SMPD3: variants seen among roughly 807,000 people sequenced by gnomAD.
SMPD3 encodes nSMase-2.
SMPD3 carries 21 observed loss-of-function variants against 55.7 expected under a neutral mutation model. The observed-to-expected ratio is 0.38, with a 90% CI of 0.27 to 0.54. The LOEUF is 0.54. Among genes scored for constraint, SMPD3 ranks in the 20% least tolerant of loss-of-function variants. SMPD3 has a pLI of 0.80. For missense variants in SMPD3, 842 were observed against 899.6 expected (o/e 0.94, Z 0.82); for synonymous variants, 457 against 404.3 (o/e 1.13, Z -1.56).
chr16:68,403,123 T>C (rs1026928050), intron 1 of SMPD3, among the ~76,000 whole-genome samples: 2 of 152,252 alleles, frequency 1.3e-5, no homozygotes, highest in African/African-American at 2.4e-5. Flanking sequence ...TTCAGGTCCC[T>C]GTTTCAAATA....
At chr16:68,384,172 C>T (rs935117863) in intron 2 of SMPD3, among the ~76,000 whole-genome samples, 23 of 152,226 alleles carry the variant, frequency 1.5e-4, no homozygotes, top group African/African-American at 4.8e-4. Context: ...GGGGCCCTGA[C>T]CCGAGCAGTC....
chr16:68,361,355 G>C, intron 8 of SMPD3, 48 bp from the exon 9 acceptor site: 1 of 1,562,578 alleles, frequency 6.4e-7, no homozygotes, highest in Non-Finnish European at 8.7e-7. Context: ...GATTCCAAGG[G>C]CATCTTGCAG....
chr16:68,383,150 A>G (rs1317276992), intron 2 of SMPD3, among the ~76,000 whole-genome samples: 1 of 152,080 alleles, frequency 6.6e-6, no homozygotes, highest in East Asian at 1.9e-4. Flanking sequence ...GGTTTGTTTA[A>G]CTTAAATGCT....
chr16:68,358,464 T>G lies in SMPD3; in HGVS notation c.*2742A>C, dbSNP rs570602983. ...TTCTTCTAGGGAAGAACCGTCTGGATATATATTTGATAATGTTTTTACCAA... is the reference window on the plus strand; with the variant it reads ...TTCTTCTAGGGAAGAACCGTCTGGAGATATATTTGATAATGTTTTTACCAA... On this transcript the variant is annotated 3_prime_UTR_variant, in exon 9 of 9. Coordinates refer to ENST00000219334, the MANE Select transcript of SMPD3 (RefSeq NM_018667.4). 6.5e-6 allele frequency: 1 copy of G among 152,698 alleles called. No homozygotes were observed. The highest frequency in any genetic ancestry group is 1.5e-5 in the Non-Finnish European group (1 of 68,046). 9.5% of individuals were successfully genotyped at this position (152,698 alleles called of 1,614,324 possible).
intron 1 of SMPD3, among the ~76,000 whole-genome samples, chr16:68,403,232 C>G (rs1210849522): frequency 6.6e-6 from 1 of 152,228 alleles, no homozygotes; most frequent in Non-Finnish European, 1.5e-5. Flanking sequence ...TCCAAAACAT[C>G]ACCACTTAAC....
At chr16:68,410,579 C>T (rs115196176) in intron 1 of SMPD3, among the ~76,000 whole-genome samples, 11 of 152,306 alleles carry the variant, frequency 7.2e-5, no homozygotes, top group African/African-American at 2.6e-4. Context: ...ACTTTGGACA[C>T]CTAAGGCTCA....
At chr16:68,432,545 G>A (rs2090488763) in intron 1 of SMPD3, among the ~76,000 whole-genome samples, 1 of 152,226 alleles carries the variant, frequency 6.6e-6, no homozygotes, top group South Asian at 2.1e-4. Context: ...TACCACATCA[G>A]TGGGCTAAGA....
rs1255014719 is a variant in SMPD3, at chr16:68,418,282, G to A, written c.-269+30071C>T. Among the ~76,000 whole-genome samples the A allele has an allele frequency of 2.0e-5, 3 of 151,496 alleles. No homozygotes were observed. In the East Asian group the frequency reaches 5.8e-4, roughly 29 times the overall value. ...AGTTCATCCAGGCAGGTAGATACAT[G>A]ACTCAAATACCCACAAGAGAAATGA... On this transcript the variant is annotated intron_variant, in intron 1 of 8. Transcript: ENST00000219334.
chr16:68,386,337 G>A (rs570171888), intron 2 of SMPD3, among the ~76,000 whole-genome samples: 37 of 152,194 alleles, frequency 2.4e-4, no homozygotes, highest in African/African-American at 8.4e-4. Flanking sequence ...CATATATTGA[G>A]GGAGTTATTG....
chr16:68,388,646 C>T (rs1439928377), intron 1 of SMPD3, among the ~76,000 whole-genome samples: 1 of 152,078 alleles, frequency 6.6e-6, no homozygotes, highest in African/African-American at 2.4e-5. Context: ...CACTCTCCAC[C>T]CCACTCCCAT....
rs761757160 is a variant in SMPD3 at position 68,361,202 on chromosome 16, C to G, written c.*4G>C. ...CTGGCAGAGGCCCCGCTGCTCCGGA[C>G]GGTCTATGCCTCCTCCTCCCCCGAA... On this transcript the variant is annotated 3_prime_UTR_variant, in exon 9 of 9. Coordinates refer to ENST00000219334, the MANE Select transcript of SMPD3 (RefSeq NM_018667.4). The G allele has an allele frequency of 6.2e-7, 1 of 1,612,738 alleles. No individual in the cohort carries two copies. Among genetic ancestry groups the G allele is most frequent in the Admixed American group, 1.7e-5 (1 of 59,948 alleles).
At chr16:68,393,107 T>C (rs1016798776) in intron 1 of SMPD3, among the ~76,000 whole-genome samples, 1 of 152,008 alleles carries the variant, frequency 6.6e-6, no homozygotes, top group African/African-American at 2.4e-5. Flanking sequence ...CTGGGTAACA[T>C]GAAAATGGAC....
intron 2 of SMPD3, among the ~76,000 whole-genome samples, chr16:68,380,879 G>A (rs963513161): frequency 6.6e-6 from 1 of 152,210 alleles, no homozygotes; most frequent in African/African-American, 2.4e-5. Flanking sequence ...ATTTCCTTCT[G>A]GAACGGATTG....
chr16:68,438,384 T>C (rs139850699), intron 1 of SMPD3, among the ~76,000 whole-genome samples: 1,708 of 152,328 alleles, frequency 0.011, 15 homozygotes, highest in Non-Finnish European at 0.017. Context: ...AATGCTCAAC[T>C]GTGGTGCTAC....
chr16:68,425,086 T>G (rs2090425262), intron 1 of SMPD3, among the ~76,000 whole-genome samples: 1 of 152,190 alleles, frequency 6.6e-6, no homozygotes, highest in South Asian at 2.1e-4. Context: ...CCCAGGAAGA[T>G]GTGGAAGAGA....
chr16:68,409,369 T>TAGA (rs2152017156), intron 1 of SMPD3, among the ~76,000 whole-genome samples: 1 of 152,270 alleles, frequency 6.6e-6, no homozygotes, highest in African/African-American at 2.4e-5. Context: ...GTGTGAGTCT[T>TAGA]ACACGCCTGA....
At chr16:68,393,159 C>T (rs1175497885) in intron 1 of SMPD3, among the ~76,000 whole-genome samples, 1 of 152,152 alleles carries the variant, frequency 6.6e-6, no homozygotes, top group Non-Finnish European at 1.5e-5. Flanking sequence ...AATCCCAGAA[C>T]TTTGGGAGGC....
intron 2 of SMPD3, chr16:68,381,947 T>A (rs561718917): frequency 3.9e-5 from 6 of 152,200 alleles, no homozygotes; most frequent in Non-Finnish European, 7.3e-5. Context: ...CTCTCAAGGA[T>A]AATGAAACAA....
chr16:68,361,686 G>A lies in SMPD3; in HGVS notation c.1783C>T (p.Arg595Trp), dbSNP rs773056401. 1.9e-4 allele frequency: 301 copies of A among 1,612,668 alleles called. No homozygotes were observed. The highest frequency in any genetic ancestry group is 2.5e-4 in the Non-Finnish European group (292 of 1,179,966). Residue 595 changes from arginine to tryptophan, a missense_variant, in exon 8 of 9, where the codon CGG (arginine) becomes TGG (tryptophan). Around this residue, in one of 2 missense-constraint regions of SMPD3, gnomAD observed 649 missense variants for 643.6 expected, o/e 1.01. Transcript: ENST00000219334. ...CCGTTGCCCTTCAGCAGCTCCTTCC[G>A]CCCCTTCTGGCCCGAGCTCTTGCTG... ...PTSKSSGQKG[R>W]KELLKGNGRR...
Sources: allele counts gnomAD v4.1 joint callset (sites outside exome capture counted in the v4.1 genomes callset), GRCh38; gene constraint gnomAD v4.1.1; regional missense constraint gnomAD v4.1.1; transcripts MANE v1.5; gene names NCBI Gene and HGNC (gene_info 2026-07-23, HGNC 2026-07-21).